TLN1: variants seen among roughly 807,000 people sequenced by gnomAD.
The protein encoded by TLN1 is talin-1.
TLN1 carries 56 observed loss-of-function variants against 292.3 expected under a neutral mutation model. The observed-to-expected ratio is 0.19, with a 90% CI of 0.15 to 0.24. TLN1 has a LOEUF of 0.24. TLN1 is among the 10% of genes least tolerant of loss of function. The pLI, the probability that TLN1 is intolerant of heterozygous loss-of-function variation, is 1.00. For missense variants in TLN1, 2,433 were observed against 3,248.2 expected, an observed-to-expected ratio of 0.75 and a Z score of 6.10; for synonymous variants, 1,119 against 1,253.7, an observed-to-expected ratio of 0.89 and a Z score of 2.27.
intron 11 of TLN1, 76 bp downstream of exon 11, chr9:35,720,736 G>A: frequency 7.1e-7 from 1 of 1,405,512 alleles, no homozygotes; most frequent in Non-Finnish European, 1.0e-6. Context: ...AGCAATCTGA[G>A]TGCCCATTTC....
intron 25 of TLN1, 110 bp from the exon 26 acceptor site, chr9:35,713,408 G>T: frequency 1.2e-6 from 1 of 825,930 alleles, no homozygotes; most frequent in Non-Finnish European, 1.9e-6. Context: ...TTTGGGCTGG[G>T]TGCGATGGCT....
In TLN1 at chr9:35,717,113, G is replaced by A. The variant is rs764450240; in HGVS notation, c.2458+33C>T. On this transcript the variant is annotated intron_variant, in intron 19 of 56. Transcript: ENST00000314888. The surrounding 1 kb of genome is among the most constrained non-coding windows in gnomAD (Gnocchi z 4.7). ...CAGTGGGCTTAGGGAACCCTGGTAG[G>A]GTTTTTTGTTTTCCTGGGGGTGCGT... 6.4e-7 allele frequency: 1 copy of A among 1,566,042 alleles called. No homozygotes were observed. The highest frequency in any genetic ancestry group is 1.8e-5 in the Admixed American group (1 of 55,808).
rs1412574170 is a variant in TLN1, at chr9:35,718,898, G to A, written c.1909C>T (p.Leu637=). The A allele has an allele frequency of 1.2e-6, 2 of 1,612,662 alleles. No homozygotes were observed. Among genetic ancestry groups the A allele is most frequent in the African/African-American group, 1.3e-5 (1 of 74,980 alleles). Residue 637 remains leucine, a synonymous_variant, in exon 17 of 57, where the codon CTG becomes TTG. Coordinates refer to ENST00000314888, the MANE Select transcript of TLN1 (RefSeq NM_006289.4). ...QPASAEPRQN[L]LQAAGNVGQA... is the part of the protein sequence containing the mutation. ...CCCACGTTCCCAGCTGCTTGCAGCA[G>A]GTTCTGACGGGGCTGTGGAGAGTGA...
chr9:35,703,422 CAA>C (rs926387056), intron 48 of TLN1, 136 bp downstream of exon 48: 44 of 792,646 alleles, frequency 5.6e-5, no homozygotes, highest in Non-Finnish European at 8.8e-5. Context: ...AGACCCTTCT[CAA>C]AAAAAAAGTC....
At position 35,706,441 on chromosome 9, in the gene TLN1, C is replaced by T; in HGVS notation, c.5190+9G>A. The T allele has an allele frequency of 6.2e-7, 1 of 1,614,086 alleles. No homozygotes were observed. The highest frequency in any genetic ancestry group is 1.3e-5 in the African/African-American group (1 of 75,042). ...CTCCCTGGGACTTCCCATGAGTCTC[C>T]ATAGGTACCTTGTGTCCCAGCTGGG... On this transcript the variant is annotated intron_variant, in intron 39 of 56. Coordinates refer to ENST00000314888, the MANE Select transcript of TLN1 (RefSeq NM_006289.4). This position sits in a 1 kb window ranked among gnomAD's most constrained non-coding sequence, Gnocchi z 4.2.
In TLN1 at chr9:35,717,327, C is replaced by A. The variant is rs1038152375; in HGVS notation, c.2277G>T (p.Glu759Asp). 1 of 1,614,196 alleles carries A rather than the reference C, an allele frequency of 6.2e-7. No individual in the cohort carries two copies. Among genetic ancestry groups the A allele is most frequent in the Non-Finnish European group, 8.5e-7 (1 of 1,180,042 alleles). ...GCVSASQAAT[E>D]DGQLLRGVGA... is the part of the protein sequence containing the mutation. Reference sequence around the variant, plus strand: ...CTACCCCTCGCAACAGTTGCCCATCCTCTGTAGCTGCCTGGGAGGCAGACA... The same window carrying A: ...CTACCCCTCGCAACAGTTGCCCATCATCTGTAGCTGCCTGGGAGGCAGACA... The change falls in exon 19 of 57, where the codon GAG (glutamate) becomes GAT (aspartate). Residue 759 changes from glutamate to aspartate, a missense_variant. Around this residue, in one of 7 missense-constraint regions of TLN1, gnomAD observed 617 missense variants for 770.6 expected, o/e 0.80. Coordinates refer to ENST00000314888, the MANE Select transcript of TLN1 (RefSeq NM_006289.4). The surrounding 1 kb of genome is among the most constrained non-coding windows in gnomAD (Gnocchi z 4.7).
rs544097130 is a variant in TLN1, at chr9:35,725,065, G to A, written c.229-106C>T. 1.3e-4 allele frequency: 208 copies of A among 1,575,992 alleles called. 4 individuals are homozygous for A. In the South Asian group the frequency reaches 2.1e-3, roughly 16 times the overall value. ...AGTGGAGCACTGAAAGGAAGACTAT[G>A]GTGGTTCGTTCAAAAGCAGGGAATT... On this transcript the variant is annotated intron_variant, in intron 3 of 56. Transcript: ENST00000314888.
chr9:35,713,214 C>T lies in TLN1; in HGVS notation c.3334G>A (p.Gly1112Ser), dbSNP rs1436966490. The T allele has an allele frequency of 1.3e-6, 2 of 1,595,486 alleles. No individual in the cohort carries two copies. The highest frequency in any genetic ancestry group is 2.7e-5 in the African/African-American group (2 of 74,734). ...CACATACCTGCATAATTCTCATTGC[C>T]CTGGGCAACCTCTCCCAGTAGCTGG... ...IAQLLGEVAQ[G>S]NENYAGIAAR... The change falls in exon 26 of 57, where the codon GGC becomes AGC. Residue 1112 changes from glycine (G) to serine (S), a missense_variant. Physicochemically the swap from Gly to Ser is moderately conservative, Grantham distance 56. This residue lies in a region of TLN1 where 1,384 missense variants were observed against 1,699.6 expected (regional missense o/e 0.81). Coordinates refer to ENST00000314888, the MANE Select transcript of TLN1 (RefSeq NM_006289.4).
rs772755549 is a variant in TLN1, at chr9:35,717,694, C to T, written c.2088G>A (p.Ser696=). 8 of 1,613,954 alleles carry T rather than the reference C, an allele frequency of 5.0e-6. No individual in the cohort carries two copies. The highest frequency in any genetic ancestry group is 4.0e-5 in the African/African-American group (3 of 74,890). ...AKSVAQRTED[S]GLQTQVIAAA... ...CAGCAATAACTTGGGTCTGAAGTCC[C>T]GAGTCCTCTGTCCGCTGGGCCACAC... Residue 696 remains serine (S), a synonymous_variant, in exon 18 of 57, where the codon TCG becomes TCA. Transcript: ENST00000314888. The surrounding 1 kb of genome is among the most constrained non-coding windows in gnomAD (Gnocchi z 4.7).
chr9:35,701,250 C>T (rs1825462565), intron 48 of TLN1, among the ~76,000 whole-genome samples: 1 of 152,084 alleles, frequency 6.6e-6, no homozygotes, highest in African/African-American at 2.4e-5. Context: ...GCAAGCAGAG[C>T]CATCACTAAT....
Position 35,697,629 on chromosome 9 carries a change from CAG to C in TLN1, c.*160_*161del. The C allele has an allele frequency of 2.9e-6, 3 of 1,036,222 alleles. No individual in the cohort carries two copies. The highest frequency in any genetic ancestry group is 2.8e-6 in the Non-Finnish European group (2 of 725,216). The allele number at this position is 1,036,222 out of a possible 1,614,324, so 64.2% of individuals were successfully genotyped here. A position where few individuals can be genotyped will look rare whatever the true frequency, so the allele number is the denominator to read the frequency against. On this transcript the variant is annotated 3_prime_UTR_variant, in exon 57 of 57. Transcript: ENST00000314888. ...AAGGCACTTGGGGTTGGGGAGGGGA[CAG>C]GGGATGTACTGCGGGACTGGGCGGG...
chr9:35,697,718 G>T lies in TLN1; in HGVS notation c.*73C>A. ...GCTGGGGTTGGGCAGGTTGGGCCCC[G>T]ACAGCCCAGAAGGCTTTGGTAGTGG... On this transcript the variant is annotated 3_prime_UTR_variant, in exon 57 of 57. Coordinates refer to ENST00000314888, the MANE Select transcript of TLN1 (RefSeq NM_006289.4). The T allele has an allele frequency of 1.3e-6, 2 of 1,578,056 alleles. No individual in the cohort carries two copies. Among genetic ancestry groups the T allele is most frequent in the South Asian group, 1.2e-5 (1 of 86,676 alleles).
chr9:35,703,748 C>T, intron 47 of TLN1, 27 bp downstream of exon 47: 3 of 1,614,208 alleles, frequency 1.9e-6, no homozygotes, highest in Non-Finnish European at 2.5e-6. Context: ...CAGTGCCCCT[C>T]CTGATGTTGC....
In TLN1 at chr9:35,704,635, C is replaced by A. The variant is rs1454111095; in HGVS notation, c.5880+34G>T. The A allele has an allele frequency of 6.2e-7, 1 of 1,610,528 alleles. No individual in the cohort carries two copies. The highest frequency in any genetic ancestry group is 1.3e-5 in the African/African-American group (1 of 74,882). On this transcript the variant is annotated intron_variant, in intron 44 of 56. Coordinates refer to ENST00000314888, the MANE Select transcript of TLN1 (RefSeq NM_006289.4). The surrounding 1 kb of genome is among the most constrained non-coding windows in gnomAD (Gnocchi z 6.9). ...TGGCAAAGGCTACAGAGTTTGGAGG[C>A]AGTCCCACCATCTGCAGGGATGAGC...
In TLN1 at chr9:35,704,223, G is replaced by A. The variant is rs752336170; in HGVS notation, c.6048-49C>T. On this transcript the variant is annotated intron_variant, in intron 45 of 56. Coordinates refer to ENST00000314888, the MANE Select transcript of TLN1 (RefSeq NM_006289.4). The surrounding 1 kb of genome is among the most constrained non-coding windows in gnomAD (Gnocchi z 6.9). ...AGATCTCCCCTACCCGCTCCAGCCC[G>A]TCCAAGGTGCCTGGTCCAGGTCTTC... 2.4e-5 allele frequency: 37 copies of A among 1,568,906 alleles called. No homozygotes were observed. The East Asian group carries it at 3.8e-4, about 16-fold the overall frequency.
Position 35,710,695 on chromosome 9 carries a change from A to C in TLN1, c.4204-12T>G, listed in dbSNP as rs1221759458. The C allele has an allele frequency of 1.9e-6, 3 of 1,614,118 alleles. No homozygotes were observed. Among genetic ancestry groups the C allele is most frequent in the Non-Finnish European group, 2.5e-6 (3 of 1,179,964 alleles). ...GCCTCGCCCAGCACCTGAGGAACAG[A>C]GGACATCAGGGGAGTCAGAGCATGT... is the stretch of plus-strand genomic sequence containing the variant. On this transcript the variant is annotated splice_polypyrimidine_tract_variant and intron_variant, in intron 32 of 56. Transcript: ENST00000314888.
chr9:35,707,166 C>T lies in TLN1; in HGVS notation c.4861G>A (p.Ala1621Thr), dbSNP rs555267067. The T allele has an allele frequency of 6.8e-6, 11 of 1,610,220 alleles. No homozygotes were observed. The highest frequency in any genetic ancestry group is 2.2e-5 in the East Asian group (1 of 44,868). ...CTCGGGGGGTCCCGGGGATTGACTG[C>T]GAGGGCCCGGGCTGTCTGGATGAGT... ...GGLIQTARAL[A>T]VNPRDPPSWS... Residue 1621 changes from alanine to threonine, a missense_variant, in exon 37 of 57, where the codon GCA becomes ACA. Physicochemically the swap from Ala to Thr is moderately conservative, Grantham distance 58. This residue lies in a region of TLN1 where 1,384 missense variants were observed against 1,699.6 expected (regional missense o/e 0.81). Coordinates refer to ENST00000314888, the MANE Select transcript of TLN1 (RefSeq NM_006289.4). The surrounding 1 kb of genome is among the most constrained non-coding windows in gnomAD (Gnocchi z 5.6).
chr9:35,712,969 A>G lies in TLN1; in HGVS notation c.3427T>C (p.Ser1143Pro). 3.1e-6 allele frequency: 5 copies of G among 1,610,590 alleles called. No individual in the cohort carries two copies. The highest frequency in any genetic ancestry group is 4.2e-6 in the Non-Finnish European group (5 of 1,178,986). ...QAARGVAALT[S>P]DPAVQAIVLD... Reference sequence around the variant, plus strand: ...ACAATGGCCTGCACTGCAGGATCTGACGTCAGTGCAGCGACTCCCCTAGCG... The same window carrying G: ...ACAATGGCCTGCACTGCAGGATCTGGCGTCAGTGCAGCGACTCCCCTAGCG... The change falls in exon 27 of 57, where the codon TCA becomes CCA. Residue 1143 changes from serine to proline, a missense_variant. Coordinates refer to ENST00000314888, the MANE Select transcript of TLN1 (RefSeq NM_006289.4).
rs181401539 is a variant in TLN1, at chr9:35,719,955, G to T, written c.1464+84C>A. The T allele has an allele frequency of 3.1e-4, 490 of 1,588,450 alleles. 1 individual carries two copies. In the African/African-American group the frequency reaches 5.9e-3, roughly 19 times the overall value. ...AGGGAGAGAATACAAATAGGGACCT[G>T]GGAAAAGACTGCCTAACTCCTGGCT... On this transcript the variant is annotated intron_variant, in intron 13 of 56. Coordinates refer to ENST00000314888, the MANE Select transcript of TLN1 (RefSeq NM_006289.4). This position sits in a 1 kb window ranked among gnomAD's most constrained non-coding sequence, Gnocchi z 4.6.
Sources: gnomAD v4.1 joint callset for allele counts (sites outside exome capture counted in the v4.1 genomes callset) on GRCh38, gnomAD v4.1.1 for gene constraint, gnomAD v4.1.1 regional missense constraint, Gnocchi (gnomAD v3.1) non-coding constraint, MANE v1.5 for transcripts, NCBI Gene and HGNC (gene_info 2026-07-23, HGNC 2026-07-21) for gene names.